CIMAP1D: variants seen among roughly 807,000 people sequenced by gnomAD.
CIMAP1D encodes the protein CIMAP1 family member D.
the CIMAP1D span, among the ~76,000 whole-genome samples, chr19:465,130 A>AGTGG: frequency 0.34 from 21,821 of 63,282 alleles, 2,813 homozygotes; most frequent in Non-Finnish European, 0.4. Flanking sequence ...TGGGTTGATG[A>AGTGG]GTGGATGGAT....
chr19:488,829 TG>T, the CIMAP1D span, among the ~76,000 whole-genome samples: 1 of 152,056 alleles, frequency 6.6e-6, no homozygotes, highest in East Asian at 1.9e-4. Flanking sequence ...ACCAGCGCGC[TG>T]GAAGACTCGC....
At chr19:465,742 CAGAT>C in the CIMAP1D span, among the ~76,000 whole-genome samples, 17 of 87,794 alleles carry the variant, frequency 1.9e-4, no homozygotes, top group East Asian at 3.5e-4. Flanking sequence ...AAAGGATGGA[CAGAT>C]GGATGGGTAG....
chr19:469,610 A>C, the CIMAP1D span, among the ~76,000 whole-genome samples: 1 of 152,062 alleles, frequency 6.6e-6, no homozygotes, highest in Admixed American at 6.6e-5. Flanking sequence ...GAATCACTTG[A>C]ACCCCGGGAG....
chr19:484,327 G>A, the CIMAP1D span, among the ~76,000 whole-genome samples: 1 of 151,930 alleles, frequency 6.6e-6, no homozygotes, highest in Non-Finnish European at 1.5e-5. Context: ...TTTTAGTAGA[G>A]ACGGGGTTTC....
chr19:472,387 G>A, the CIMAP1D span: 66 of 1,515,406 alleles, frequency 4.4e-5, no homozygotes, highest in Middle Eastern at 4.0e-3. Flanking sequence ...CCACTCGCCC[G>A]CCTTACCCTC....
the CIMAP1D span, among the ~76,000 whole-genome samples, chr19:487,905 G>T: frequency 6.6e-6 from 1 of 152,192 alleles, no homozygotes; most frequent in Non-Finnish European, 1.5e-5. Flanking sequence ...CTGACCTACT[G>T]GGTTACGTTA....
At chr19:463,843 C>A in the CIMAP1D span, 1 of 1,606,488 alleles carries the variant, frequency 6.2e-7, no homozygotes, top group Non-Finnish European at 8.5e-7. Context: ...ACAGGCCTGG[C>A]CTAGCAGCAG....
At chr19:474,763 G>T in the CIMAP1D span, 185 of 1,493,000 alleles carry the variant, frequency 1.2e-4, no homozygotes, top group Admixed American at 9.1e-4. Context: ...GCAGGCGATG[G>T]CCCCCACAGC....
the CIMAP1D span, among the ~76,000 whole-genome samples, chr19:481,536 T>TGGGGAAGGATGATGGGGAAGGATGAG: frequency 1.0e-5 from 1 of 96,200 alleles, no homozygotes; most frequent in Admixed American, 1.2e-4. Context: ...GGAAGGATGA[T>TGGGGAAGGATGATGGGGAAGGATGAG]GGAGGATGAT....
chr19:469,180 G>A, the CIMAP1D span, among the ~76,000 whole-genome samples: 1 of 151,892 alleles, frequency 6.6e-6, no homozygotes. Context: ...CCCAGGCCCT[G>A]GGCAAATACA....
chr19:474,580 G>T, the CIMAP1D span: 40 of 1,454,360 alleles, frequency 2.8e-5, no homozygotes, highest in Middle Eastern at 3.7e-4. Flanking sequence ...GGGGAGTGGA[G>T]CAGGAAAAGG....
the CIMAP1D span, among the ~76,000 whole-genome samples, chr19:484,066 G>A: frequency 1.3e-5 from 2 of 151,988 alleles, no homozygotes; most frequent in South Asian, 2.1e-4. Flanking sequence ...CTTCTAGCTC[G>A]GAACAACCGC....
the CIMAP1D span, among the ~76,000 whole-genome samples, chr19:474,080 G>C: frequency 6.6e-6 from 1 of 152,134 alleles, no homozygotes; most frequent in Non-Finnish European, 1.5e-5. Context: ...ATGTGTTGTG[G>C]CTTCTGCAGA....
the CIMAP1D span, among the ~76,000 whole-genome samples, chr19:478,254 G>A: frequency 1.5e-5 from 2 of 137,724 alleles, no homozygotes; most frequent in Non-Finnish European, 3.0e-5. Context: ...AGGGGACAAG[G>A]GCCTGGAAGG....
the CIMAP1D span, chr19:472,641 C>T: frequency 1.8e-6 from 1 of 543,096 alleles, no homozygotes; most frequent in Middle Eastern, 5.0e-4. Context: ...CAAGAGGCTG[C>T]TGCCCGTCGG....
chr19:486,697 G>A, the CIMAP1D span, among the ~76,000 whole-genome samples: 3 of 151,844 alleles, frequency 2.0e-5, no homozygotes, highest in South Asian at 2.1e-4. Flanking sequence ...AGCAGATCAC[G>A]AGATCAGGAG....
chr19:490,584 A>C, the CIMAP1D span, among the ~76,000 whole-genome samples: 2 of 152,254 alleles, frequency 1.3e-5, no homozygotes, highest in African/African-American at 4.8e-5. Flanking sequence ...CTAAAGTTCT[A>C]GTTGGAAAAG....
chr19:475,104 C>G, the CIMAP1D span: 1 of 217,558 alleles, frequency 4.6e-6, no homozygotes, highest in East Asian at 9.4e-5. Flanking sequence ...GACCTGCAAA[C>G]ATGACACCCA....
the CIMAP1D span, among the ~76,000 whole-genome samples, chr19:483,602 G>C: frequency 2.6e-5 from 4 of 152,214 alleles, no homozygotes; most frequent in Non-Finnish European, 5.9e-5. Context: ...CGTCACGACT[G>C]GGGGAGCTCC....
Sources: allele counts gnomAD v4.1 joint callset (sites outside exome capture counted in the v4.1 genomes callset), GRCh38; gene constraint gnomAD v4.1.1; transcripts MANE v1.5; gene names NCBI Gene and HGNC (gene_info 2026-07-23, HGNC 2026-07-21).